NOTCH3: variants seen among roughly 807,000 people sequenced by gnomAD.
NOTCH3 encodes notch receptor 3.
In NOTCH3, 86 loss-of-function variants were observed where a neutral mutation model predicts 213.3. The ratio of observed to expected loss-of-function variants is 0.40; its 90% confidence interval spans 0.34 to 0.48. NOTCH3 has a LOEUF of 0.48. Ranked by LOEUF, NOTCH3 falls within the 20% of genes least tolerant of loss-of-function variation. The pLI is 0.57. For synonymous variants in NOTCH3, 1,354 were observed against 1,355.9 expected (o/e 1.00, Z 0.03); for missense variants, 2,783 against 3,272.6 (o/e 0.85, Z 3.65).
chr19:15,195,585 A>C (rs1599398571), intron 2 of NOTCH3, among the ~76,000 whole-genome samples: 9 of 136,358 alleles, frequency 6.6e-5, no homozygotes, highest in South Asian at 5.1e-4. Flanking sequence ...GATCCCCCCC[A>C]CCCCGGCCCC....
Position 15,185,035 on chromosome 19 carries a change from G to T in NOTCH3, c.2297-16C>A. 1 of 1,408,128 alleles carries T rather than the reference G, an allele frequency of 7.1e-7. No homozygotes were observed. The highest frequency in any genetic ancestry group is 9.7e-7 in the Non-Finnish European group (1 of 1,030,794). 87.2% of individuals were successfully genotyped at this position (1,408,128 alleles called of 1,614,324 possible). ...CACTGACGTCCTGTTGGGGGTGGAA[G>T]AGAGGGAAGCAGAGATAGCCTTGAG... is the stretch of plus-strand genomic sequence containing the variant. On this transcript the variant is annotated splice_polypyrimidine_tract_variant and intron_variant, in intron 14 of 32. Coordinates refer to ENST00000263388, the MANE Select transcript of NOTCH3 (RefSeq NM_000435.3). This position sits in a 1 kb window ranked among gnomAD's most constrained non-coding sequence, Gnocchi z 4.2.
At chr19:15,164,302 G>A (rs1599363160) in intron 31 of NOTCH3, among the ~76,000 whole-genome samples, 1 of 152,104 alleles carries the variant, frequency 6.6e-6, no homozygotes, top group East Asian at 1.9e-4. Context: ...CACTTTGGGA[G>A]GCCAAGGCAG....
chr19:15,192,181 C>A lies in NOTCH3; in HGVS notation c.458G>T (p.Arg153Leu), dbSNP rs755685473. The A allele has an allele frequency of 6.2e-7, 1 of 1,612,516 alleles. No homozygotes were observed. The highest frequency in any genetic ancestry group is 8.5e-7 in the Non-Finnish European group (1 of 1,179,836). The change falls in exon 4 of 33, where the codon CGC becomes CTC. Residue 153 changes from arginine to leucine, a missense_variant. By Grantham distance (102) the Arg-to-Leu change is moderately radical. Transcript: ENST00000263388. ...CTCATCCACGTCGCTTCGGCAGCTG[C>A]GGCCCTGGTAGCCAGGTGGGCAGGA... is the stretch of plus-strand genomic sequence containing the variant. Reference protein sequence around the residue: ...LCSCPPGYQGRSCRSDVDECR... With the variant: ...LCSCPPGYQGLSCRSDVDECR...
chr19:15,165,690 G>A lies in NOTCH3; in HGVS notation c.5667+97C>T. On this transcript the variant is annotated intron_variant, in intron 30 of 32. Coordinates refer to ENST00000263388, the MANE Select transcript of NOTCH3 (RefSeq NM_000435.3). The surrounding 1 kb of genome is among the most constrained non-coding windows in gnomAD (Gnocchi z 4.7). ...TCCCATATATCCCCATTTTCCAAAT[G>A]AGAAAAAATGAGTCTGAAAGGCAGA... 1 of 1,451,014 alleles carries A rather than the reference G, an allele frequency of 6.9e-7. No homozygotes were observed. The highest frequency in any genetic ancestry group is 9.4e-7 in the Non-Finnish European group (1 of 1,061,400). The allele number at this position is 1,451,014 out of a possible 1,614,324, so 89.9% of individuals were successfully genotyped here.
At position 15,170,571 on chromosome 19, in the gene NOTCH3, A is replaced by AGGGAG; in HGVS notation, c.4892-19_4892-18insCTCCC. 1 of 1,606,278 alleles carries AGGGAG rather than the reference A, an allele frequency of 6.2e-7. No homozygotes were observed. Among genetic ancestry groups the AGGGAG allele is most frequent in the Non-Finnish European group, 8.5e-7 (1 of 1,178,388 alleles). On this transcript the variant is annotated intron_variant, in intron 26 of 32. Transcript: ENST00000263388. ...CGGCTCCCCTAAGAGCAGGAAGCAG[A>AGGGAG]GGGCGGGGCTTCAGCCGAGGGCGGG...
chr19:15,172,350 A>C (rs10423189), intron 25 of NOTCH3, among the ~76,000 whole-genome samples: 13,410 of 152,126 alleles, frequency 0.088, 1,756 homozygotes, highest in African/African-American at 0.29. Context: ...TTGTGTCTTT[A>C]GCCCCCAGGT....
chr19:15,187,629 T>C (rs999901129), intron 10 of NOTCH3, among the ~76,000 whole-genome samples: 5 of 152,078 alleles, frequency 3.3e-5, no homozygotes, highest in Non-Finnish European at 7.4e-5. Flanking sequence ...TGGGAGCACA[T>C]GGCAGGTGCC....
chr19:15,166,189 G>C, intron 29 of NOTCH3, 98 bp from the exon 30 acceptor site: 1 of 1,014,424 alleles, frequency 9.9e-7, no homozygotes, highest in Non-Finnish European at 1.5e-6. Context: ...GGGACACATG[G>C]AAAAATGACA....
intron 24 of NOTCH3, among the ~76,000 whole-genome samples, chr19:15,177,017 A>G (rs2046796136): frequency 6.9e-6 from 1 of 144,910 alleles, no homozygotes; most frequent in African/African-American, 2.6e-5. Flanking sequence ...GGTTGCAGTG[A>G]GCCAAGATGG....
At chr19:15,182,392 A>C (rs184690337) in intron 16 of NOTCH3, among the ~76,000 whole-genome samples, 1 of 152,150 alleles carries the variant, frequency 6.6e-6, no homozygotes, top group Admixed American at 6.6e-5. Context: ...CTGTAGTCCC[A>C]GCTAGTGGGG....
At chr19:15,172,238 G>A (rs1190058595) in intron 25 of NOTCH3, among the ~76,000 whole-genome samples, 2 of 151,936 alleles carry the variant, frequency 1.3e-5, no homozygotes, top group African/African-American at 2.4e-5. Context: ...CAATCCTTAG[G>A]TCTCCGTGTC....
chr19:15,166,819 C>A (rs1442191651), intron 29 of NOTCH3, among the ~76,000 whole-genome samples: 1 of 152,190 alleles, frequency 6.6e-6, no homozygotes, highest in Non-Finnish European at 1.5e-5. Context: ...GCAGACCCGA[C>A]CCCCACCAGC....
chr19:15,165,823 G>T lies in NOTCH3; in HGVS notation c.5631C>A (p.His1877Gln). 6.2e-7 allele frequency: 1 copy of T among 1,613,754 alleles called. No homozygotes were observed. The highest frequency in any genetic ancestry group is 1.7e-5 in the Admixed American group (1 of 60,028). Reference protein sequence around the residue: ...AQDHSGRTPLHTAVTADAQGV... With the variant: ...AQDHSGRTPLQTAVTADAQGV... The stretch of plus-strand genomic sequence containing the variant: ...CCTGGGCATCGGCTGTGACAGCTGT[G>T]TGCAGGGGAGTGCGGCCTGAGTGGT... The change falls in exon 30 of 33, where the codon CAC becomes CAA. Residue 1877 changes from histidine to glutamine, a missense_variant. Physicochemically the swap from His to Gln is conservative, Grantham distance 24. Transcript: ENST00000263388. The surrounding 1 kb of genome is among the most constrained non-coding windows in gnomAD (Gnocchi z 4.7).
chr19:15,181,670 TGCCCGG>T lies in NOTCH3; in HGVS notation c.2692_2697del (p.Pro898_Gly899del). ...AAGGAGGCCACGTGGTCGGTACAGG[TGCCCGG>T]GCCGCAGGGGTTGCTCAGGCACTCA... On this transcript the variant is annotated inframe_deletion, in exon 17 of 33. Coordinates refer to ENST00000263388, the MANE Select transcript of NOTCH3 (RefSeq NM_000435.3). 6.4e-7 allele frequency: 1 copy of T among 1,554,346 alleles called. No individual in the cohort carries two copies. Among genetic ancestry groups the T allele is most frequent in the Non-Finnish European group, 8.7e-7 (1 of 1,148,716 alleles).
At position 15,180,766 on chromosome 19, in the gene NOTCH3, C is replaced by A. The variant is rs780520770; in HGVS notation, c.3057G>T (p.Gly1019=). ...CQNGGRCVQT[G]AYCLCPPGWS... Reference sequence around the variant, plus strand: ...ATCCAGGGGGACAAAGGCAATAGGCCCCAGTCTGGACGCAGCGACCCCCGT... The same window carrying A: ...ATCCAGGGGGACAAAGGCAATAGGCACCAGTCTGGACGCAGCGACCCCCGT... The change falls in exon 19 of 33, where the codon GGG becomes GGT. Residue 1019 remains glycine (G), a synonymous_variant. Transcript: ENST00000263388. 5 of 1,603,192 alleles carry A rather than the reference C, an allele frequency of 3.1e-6. No homozygotes were observed. The Admixed American group carries it at 8.6e-5, about 28-fold the overall frequency.
In NOTCH3 at chr19:15,159,219, G is replaced by C. The variant is rs2046620617; in HGVS notation, c.*1443C>G. The C allele has an allele frequency of 6.6e-6, 1 of 152,190 alleles. No individual in the cohort carries two copies. The highest frequency in any genetic ancestry group is 2.1e-4 in the South Asian group (1 of 4,824). The allele number at this position is 152,190 out of a possible 1,614,324, so 9.4% of individuals were successfully genotyped here. ...TAACTGGAATTGATAACTGCACTGGGAGCCGAGATAACCCCCCCAGCCCTC... is the reference window on the plus strand; with the variant it reads ...TAACTGGAATTGATAACTGCACTGGCAGCCGAGATAACCCCCCCAGCCCTC... On this transcript the variant is annotated 3_prime_UTR_variant, in exon 33 of 33. Transcript: ENST00000263388.
Position 15,165,813 on chromosome 19 carries a change from T to A in NOTCH3, c.5641A>T (p.Thr1881Ser), listed in dbSNP as rs76166518. Reference sequence around the variant, plus strand: ...TGGAAGACACCCTGGGCATCGGCTGTGACAGCTGTGTGCAGGGGAGTGCGG... The same window carrying A: ...TGGAAGACACCCTGGGCATCGGCTGAGACAGCTGTGTGCAGGGGAGTGCGG... ...SGRTPLHTAV[T>S]ADAQGVFQIL... Residue 1881 changes from threonine (T) to serine (S), a missense_variant, in exon 30 of 33, where the codon ACA becomes TCA. Thr to Ser is a moderately conservative substitution (Grantham distance 58, BLOSUM62 1). Around this residue, in one of 6 missense-constraint regions of NOTCH3, gnomAD observed 636 missense variants for 801.8 expected, o/e 0.79. Coordinates refer to ENST00000263388, the MANE Select transcript of NOTCH3 (RefSeq NM_000435.3). This position sits in a 1 kb window ranked among gnomAD's most constrained non-coding sequence, Gnocchi z 4.7. 1.2e-6 allele frequency: 2 copies of A among 1,612,452 alleles called. No individual in the cohort carries two copies. The highest frequency in any genetic ancestry group is 1.7e-6 in the Non-Finnish European group (2 of 1,179,924).
In NOTCH3 at chr19:15,178,902, T is replaced by G. The variant is rs749611934; in HGVS notation, c.3758A>C (p.Gln1253Pro). Residue 1253 changes from glutamine to proline, a missense_variant, in exon 23 of 33, where the codon CAG (glutamine) becomes CCG (proline). Physicochemically the swap from Gln to Pro is moderately conservative, Grantham distance 76. Around this residue, in one of 6 missense-constraint regions of NOTCH3, gnomAD observed 861 missense variants for 909.1 expected, o/e 0.95. Coordinates refer to ENST00000263388, the MANE Select transcript of NOTCH3 (RefSeq NM_000435.3). ...CQTVLSPCES[Q>P]PCQHGGQCRP... The stretch of plus-strand genomic sequence containing the variant: ...GCACTGGCCTCCATGCTGGCATGGC[T>G]GGGACTCGCAGGGAGACAGGACAGT... The G allele has an allele frequency of 1.1e-4, 179 of 1,613,014 alleles. No homozygotes were observed. Among genetic ancestry groups the G allele is most frequent in the Non-Finnish European group, 1.5e-4 (174 of 1,179,652 alleles).
At position 15,185,781 on chromosome 19, in the gene NOTCH3, G is replaced by A. The variant is rs2046877119; in HGVS notation, c.1952-102C>T. 1 of 1,139,224 alleles carries A rather than the reference G, an allele frequency of 8.8e-7. No homozygotes were observed. The highest frequency in any genetic ancestry group is 1.3e-6 in the Non-Finnish European group (1 of 773,472). 70.6% of individuals were successfully genotyped at this position (1,139,224 alleles called of 1,614,324 possible). A position where few individuals can be genotyped will look rare whatever the true frequency, so the allele number is the denominator to read the frequency against. ...TAGCACACCCACACCCCCGAGCAAT[G>A]ACCTCTTTTTCATAACGCATCAGCT... On this transcript the variant is annotated intron_variant, in intron 12 of 32. Coordinates refer to ENST00000263388, the MANE Select transcript of NOTCH3 (RefSeq NM_000435.3). This position sits in a 1 kb window ranked among gnomAD's most constrained non-coding sequence, Gnocchi z 4.2.
Sources: allele counts gnomAD v4.1 joint callset (sites outside exome capture counted in the v4.1 genomes callset), GRCh38; gene constraint gnomAD v4.1.1; regional missense constraint gnomAD v4.1.1; non-coding constraint Gnocchi (gnomAD v3.1); transcripts MANE v1.5; gene names NCBI Gene and HGNC (gene_info 2026-07-23, HGNC 2026-07-21).